Variants in FOXN3 observed in about 807,000 individuals in gnomAD.
FOXN3 encodes forkhead box protein N3.
Under a neutral mutation model 38.4 loss-of-function variants are expected in FOXN3, and 7 were observed. That is an observed-to-expected ratio of 0.18 (90% CI 0.10 to 0.34). FOXN3 has a LOEUF of 0.34. Among genes scored for constraint, FOXN3 ranks in the 10% least tolerant of loss-of-function variants. The pLI, the probability that FOXN3 is intolerant of heterozygous loss-of-function variation, is 1.00. For missense variants in FOXN3, 456 were observed against 613.4 expected (o/e 0.74, Z 2.71); for synonymous variants, 230 against 242.2 (o/e 0.95, Z 0.47).
rs1886998585 is a variant in FOXN3, at chr14:89,157,124, C to T, written c.*5290G>A. 1 of 152,632 alleles carries T rather than the reference C, an allele frequency of 6.6e-6. No homozygotes were observed. The highest frequency in any genetic ancestry group is 1.5e-5 in the Non-Finnish European group (1 of 68,046). 9.5% of individuals were successfully genotyped at this position (152,632 alleles called of 1,614,324 possible). On this transcript the variant is annotated 3_prime_UTR_variant, in exon 6 of 6. Coordinates refer to ENST00000557258, the MANE Select transcript of FOXN3 (RefSeq NM_005197.4). ...CAAATAAATAGTCTCGATTTCAATGCTAACAAAACAACAGGAAGGGTACTC... is the reference window on the plus strand; with the variant it reads ...CAAATAAATAGTCTCGATTTCAATGTTAACAAAACAACAGGAAGGGTACTC...
chr14:89,447,035 A>G (rs1892516190), intron 1 of FOXN3, among the ~76,000 whole-genome samples: 1 of 152,090 alleles, frequency 6.6e-6, no homozygotes, highest in South Asian at 2.1e-4. Flanking sequence ...CGTCTCTACT[A>G]AAAATACAAA....
chr14:89,376,586 A>G (rs894772063), intron 2 of FOXN3, among the ~76,000 whole-genome samples: 1 of 152,176 alleles, frequency 6.6e-6, no homozygotes, highest in Non-Finnish European at 1.5e-5. Context: ...CTCATTGCCA[A>G]AAACACACCT....
chr14:89,348,016 T>C (rs936577081), intron 3 of FOXN3, among the ~76,000 whole-genome samples: 2 of 152,140 alleles, frequency 1.3e-5, no homozygotes, highest in African/African-American at 2.4e-5. Context: ...AGCATGGTAT[T>C]TGGATGTGAG....
chr14:89,332,215 GA>G (rs1888268558), intron 3 of FOXN3, among the ~76,000 whole-genome samples: 1 of 152,188 alleles, frequency 6.6e-6, no homozygotes, highest in African/African-American at 2.4e-5. Context: ...ACAGCGCAGA[GA>G]GGGGCAGACA....
At chr14:89,542,124 A>G (rs1894801731) in intron 1 of FOXN3, among the ~76,000 whole-genome samples, 1 of 152,202 alleles carries the variant, frequency 6.6e-6, no homozygotes, top group African/African-American at 2.4e-5. Flanking sequence ...AAGTAAGAGG[A>G]GGAACGCATC....
chr14:89,426,114 C>G (rs1031192030), intron 1 of FOXN3, among the ~76,000 whole-genome samples: 2 of 151,350 alleles, frequency 1.3e-5, no homozygotes, highest in African/African-American at 4.8e-5. Flanking sequence ...CCAAAACAAG[C>G]GGGCAGAACA....
intron 1 of FOXN3, among the ~76,000 whole-genome samples, chr14:89,552,212 T>C (rs1322905524): frequency 6.6e-6 from 1 of 152,176 alleles, no homozygotes; most frequent in Admixed American, 6.5e-5. Context: ...TCACTCCGAA[T>C]TGTGTGTTCA....
chr14:89,525,067 G>C (rs1475952190), intron 1 of FOXN3, among the ~76,000 whole-genome samples: 1 of 152,068 alleles, frequency 6.6e-6, no homozygotes, highest in African/African-American at 2.4e-5. Context: ...TAAAAGCGCG[G>C]GGCTGGGGAG....
intron 3 of FOXN3, among the ~76,000 whole-genome samples, chr14:89,337,508 T>G (rs1340902793): frequency 6.6e-6 from 1 of 152,146 alleles, no homozygotes; most frequent in Admixed American, 6.5e-5. Context: ...ACCTTTCAAG[T>G]GCCAGTTCCG....
chr14:89,295,743 A>G (rs1887015341), intron 3 of FOXN3, among the ~76,000 whole-genome samples: 1 of 149,020 alleles, frequency 6.7e-6, no homozygotes. Context: ...ACATGCCACC[A>G]TGCCTGGCTA....
At chr14:89,286,633 T>C (rs1357479251) in intron 3 of FOXN3, among the ~76,000 whole-genome samples, 1 of 152,106 alleles carries the variant, frequency 6.6e-6, no homozygotes, top group African/African-American at 2.4e-5. Flanking sequence ...CCACAAAAAA[T>C]CCTTGAAATT....
At chr14:89,406,589 T>C (rs1390830847) in intron 2 of FOXN3, among the ~76,000 whole-genome samples, 3 of 152,284 alleles carry the variant, frequency 2.0e-5, no homozygotes, top group Admixed American at 6.5e-5. Context: ...GCCTACTTCA[T>C]AGGGTTTAGT....
At chr14:89,290,851 A>G in intron 3 of FOXN3, 1 of 287,532 alleles carries the variant, frequency 3.5e-6, no homozygotes, top group Middle Eastern at 5.5e-4. Flanking sequence ...GCTGAGCATG[A>G]AGGAGAGGAC....
intron 4 of FOXN3, among the ~76,000 whole-genome samples, chr14:89,272,254 A>G (rs1886171410): frequency 6.6e-6 from 1 of 152,202 alleles, no homozygotes; most frequent in Admixed American, 6.5e-5. Flanking sequence ...CGGAGGTTGC[A>G]GTGAGCTGAG....
chr14:89,512,650 T>C (rs1034508710), intron 1 of FOXN3, among the ~76,000 whole-genome samples: 12 of 152,248 alleles, frequency 7.9e-5, no homozygotes, highest in African/African-American at 2.9e-4. Context: ...GCCTTGCTTT[T>C]AGGTAAAAAG....
chr14:89,358,204 T>G (rs1314177656), intron 2 of FOXN3, among the ~76,000 whole-genome samples: 1 of 152,224 alleles, frequency 6.6e-6, no homozygotes, highest in Non-Finnish European at 1.5e-5. Context: ...TAAACGTGGC[T>G]GGGCTTCAGT....
At chr14:89,525,226 A>C (rs1894410518) in intron 1 of FOXN3, among the ~76,000 whole-genome samples, 1 of 152,138 alleles carries the variant, frequency 6.6e-6, no homozygotes, top group Admixed American at 6.5e-5. Flanking sequence ...CAAGATACAG[A>C]TCATAAAGAC....
At chr14:89,330,810 C>A (rs1888225712) in intron 3 of FOXN3, among the ~76,000 whole-genome samples, 1 of 152,164 alleles carries the variant, frequency 6.6e-6, no homozygotes, top group Non-Finnish European at 1.5e-5. Flanking sequence ...CATCACCTGC[C>A]AGGGATTCCA....
intron 1 of FOXN3, among the ~76,000 whole-genome samples, chr14:89,599,792 C>A (rs1234252466): frequency 6.6e-6 from 1 of 152,112 alleles, no homozygotes; most frequent in African/African-American, 2.4e-5. Context: ...TCTGATTCAC[C>A]TAGACTCAGG....
Sources: gnomAD v4.1 joint callset for allele counts (sites outside exome capture counted in the v4.1 genomes callset) on GRCh38, gnomAD v4.1.1 for gene constraint, MANE v1.5 for transcripts, NCBI Gene and HGNC (gene_info 2026-07-23, HGNC 2026-07-21) for gene names.